Variants in ELAC2 observed in about 807,000 individuals in gnomAD.
ELAC2 encodes the protein elaC ribonuclease Z 2.
In ELAC2, 92 loss-of-function variants were observed where a neutral mutation model predicts 105.2. The observed-to-expected ratio is 0.87, with a 90% CI of 0.74 to 1.04. The LOEUF (loss-of-function observed/expected upper bound fraction) is 1.04, where lower values mean the gene tolerates loss of function less well. ELAC2 is among the 50% of genes least tolerant of loss of function. The pLI, the probability that ELAC2 is intolerant of heterozygous loss-of-function variation, is 0.00. For synonymous variants in ELAC2, 468 were observed against 409.1 expected, an observed-to-expected ratio of 1.14 and a Z score of -1.74; for missense variants, 1,099 against 1,071.7, an observed-to-expected ratio of 1.03 and a Z score of -0.36.
At chr17:13,010,343 G>GT (rs1276414555) in intron 8 of ELAC2, among the ~76,000 whole-genome samples, 1 of 152,086 alleles carries the variant, frequency 6.6e-6, no homozygotes, top group Non-Finnish European at 1.5e-5. Context: ...GCTAATTTTT[G>GT]TATTTTTAGT....
Position 12,992,960 on chromosome 17 carries a change from T to C in ELAC2, c.2339A>G (p.Glu780Gly). ...LFAGDIEEME[E>G]RREKRELRQV... ...CCGCAGCTCCCGCTTCTCCCTGCGCTCCTCCATCTCCTCGATGTCGCCAGC... is the reference window on the plus strand; with the variant it reads ...CCGCAGCTCCCGCTTCTCCCTGCGCCCCTCCATCTCCTCGATGTCGCCAGC... Residue 780 changes from glutamate to glycine, a missense_variant, in exon 24 of 24, where the codon GAG (glutamate) becomes GGG (glycine). Coordinates refer to ENST00000338034, the MANE Select transcript of ELAC2 (RefSeq NM_018127.7). The C allele has an allele frequency of 1.9e-6, 3 of 1,602,148 alleles. No individual in the cohort carries two copies. Among genetic ancestry groups the C allele is most frequent in the Non-Finnish European group, 2.6e-6 (3 of 1,172,154 alleles).
chr17:13,001,290 C>A (rs917480114), intron 14 of ELAC2, among the ~76,000 whole-genome samples: 2 of 139,992 alleles, frequency 1.4e-5, no homozygotes, highest in Non-Finnish European at 3.2e-5. Flanking sequence ...GTCAGGAGTT[C>A]GAGACCAGCC....
chr17:12,995,243 C>A (rs1051200361), intron 19 of ELAC2, among the ~76,000 whole-genome samples, 181 bp from the exon 20 acceptor site: 1 of 152,180 alleles, frequency 6.6e-6, no homozygotes, highest in African/African-American at 2.4e-5. Flanking sequence ...AGCCTCTAGG[C>A]CACTGGGAGA....
Position 12,995,200 on chromosome 17 carries a change from G to T in ELAC2, c.1809-138C>A. 3 of 944,232 alleles carry T rather than the reference G, an allele frequency of 3.2e-6. No homozygotes were observed. The South Asian group carries it at 4.2e-5, about 13-fold the overall frequency. The allele number at this position is 944,232 out of a possible 1,614,324, so 58.5% of individuals were successfully genotyped here. ...GTTAAATCATAGTCACTATGATGAG[G>T]AAACAGCAGTCAAATATAAAGAGCC... is the stretch of plus-strand genomic sequence containing the variant. On this transcript the variant is annotated intron_variant, in intron 19 of 23. Coordinates refer to ENST00000338034, the MANE Select transcript of ELAC2 (RefSeq NM_018127.7).
rs965540780 is a variant in ELAC2, at chr17:12,992,140, T to C, written c.*678A>G. Among the ~76,000 whole-genome samples, 1 of 150,584 alleles carries C rather than the reference T, an allele frequency of 6.6e-6. No individual in the cohort carries two copies. Among genetic ancestry groups the C allele is most frequent in the Non-Finnish European group, 1.5e-5 (1 of 67,812 alleles). Reference sequence around the variant, plus strand: ...CTCACTGATTGATTTGATTGATTGATTGATTGATTGATAGAGAAAGCACGC... The same window carrying C: ...CTCACTGATTGATTTGATTGATTGACTGATTGATTGATAGAGAAAGCACGC... On this transcript the variant is annotated 3_prime_UTR_variant, in exon 24 of 24. Coordinates refer to ENST00000338034, the MANE Select transcript of ELAC2 (RefSeq NM_018127.7).
At chr17:13,006,655 G>A (rs1434949241) in intron 8 of ELAC2, 2 of 154,430 alleles carry the variant, frequency 1.3e-5, no homozygotes, top group Admixed American at 6.4e-5. Context: ...CTAAAGGAAT[G>A]TCACCAGAGC....
chr17:13,013,983 C>T (rs1015871321), intron 5 of ELAC2, among the ~76,000 whole-genome samples: 2 of 152,186 alleles, frequency 1.3e-5, no homozygotes, highest in Non-Finnish European at 2.9e-5. Context: ...ATTTTTACAG[C>T]ATGAGGTGGG....
rs537408143 is a variant in ELAC2 at position 12,995,374 on chromosome 17, C to CT, written c.1809-313dup. 5.0e-3 allele frequency among the ~76,000 whole-genome samples: 765 copies of CT among 152,330 alleles called. 5 individuals carry two copies. In the Middle Eastern group the frequency reaches 0.071, roughly 14 times the overall value. On this transcript the variant is annotated intron_variant, in intron 19 of 23. Coordinates refer to ENST00000338034, the MANE Select transcript of ELAC2 (RefSeq NM_018127.7). ...CACCTGCCAGCTAGCCACACACCTG[C>CT]TATGGACATTCTCTGTGCTAGCCAC... is the stretch of plus-strand genomic sequence containing the variant.
chr17:13,000,563 C>A, intron 14 of ELAC2: 1 of 437,760 alleles, frequency 2.3e-6, no homozygotes, highest in Non-Finnish European at 4.3e-6. Context: ...CTGACCTCTA[C>A]CCACTAGCAG....
At chr17:13,006,882 G>A (rs2041138814) in intron 8 of ELAC2, among the ~76,000 whole-genome samples, 1 of 152,148 alleles carries the variant, frequency 6.6e-6, no homozygotes, top group African/African-American at 2.4e-5. Context: ...AGCACTTTGG[G>A]AAGCCGAGGC....
At position 12,996,721 on chromosome 17, in the gene ELAC2, A is replaced by G. The variant is rs1447438376; in HGVS notation, c.1521-36T>C. ...GAAGAGGAAGAGAGTCACTGCCACT[A>G]GGAAGACTGCTGATGGTTCAGAGGC... On this transcript the variant is annotated intron_variant, in intron 16 of 23. Coordinates refer to ENST00000338034, the MANE Select transcript of ELAC2 (RefSeq NM_018127.7). 2.5e-6 allele frequency: 4 copies of G among 1,607,614 alleles called. No individual in the cohort carries two copies. The Middle Eastern group carries it at 5.1e-4, about 206-fold the overall frequency.
In ELAC2 at chr17:13,014,434, C is replaced by T. The variant is rs774679119; in HGVS notation, c.490+5G>A. ...GCAGAGGATGAGTCACAGACAAAGA[C>T]GTACCCAGTTCTATTCCTTTCAATG... is the stretch of plus-strand genomic sequence containing the variant. On this transcript the variant is annotated splice_donor_5th_base_variant and intron_variant, in intron 5 of 23. Coordinates refer to ENST00000338034, the MANE Select transcript of ELAC2 (RefSeq NM_018127.7). 6.8e-6 allele frequency: 11 copies of T among 1,610,656 alleles called. No homozygotes were observed. In the East Asian group the frequency reaches 8.9e-5, roughly 13 times the overall value.
intron 5 of ELAC2, among the ~76,000 whole-genome samples, chr17:13,014,224 T>C (rs887445975): frequency 7.5e-6 from 1 of 133,410 alleles, no homozygotes; most frequent in East Asian, 2.1e-4. Flanking sequence ...ACCCAGGAGG[T>C]GGAGGTTGCA....
At chr17:12,995,840 C>T (rs182608220) in intron 18 of ELAC2, 28 bp from the exon 19 acceptor site, 121 of 1,594,116 alleles carry the variant, frequency 7.6e-5, no homozygotes, top group Admixed American at 2.3e-4. Flanking sequence ...AGTGCCGACT[C>T]GACGACAGAA....
In ELAC2 at chr17:13,017,734, C is replaced by G; in HGVS notation, c.214G>C (p.Ala72Pro). The change falls in exon 1 of 24, where the codon GCC (alanine) becomes CCC (proline). Residue 72 changes from alanine (A) to proline (P), a missense_variant. Coordinates refer to ENST00000338034, the MANE Select transcript of ELAC2 (RefSeq NM_018127.7). ...AACTCGGAGAAGACGTAGAGCGCGG[C>G]GCCCGAGTCCCGGCTACCCGCTGCC... Reference protein sequence around the residue: ...VVAAGSRDSGAALYVFSEFNR... With the variant: ...VVAAGSRDSGPALYVFSEFNR... 6.2e-7 allele frequency: 1 copy of G among 1,612,420 alleles called. No individual in the cohort carries two copies. Among genetic ancestry groups the G allele is most frequent in the African/African-American group, 1.3e-5 (1 of 75,056 alleles).
At chr17:12,996,425 G>A in intron 17 of ELAC2, 122 bp downstream of exon 17, 1 of 1,461,310 alleles carries the variant, frequency 6.8e-7, no homozygotes, top group South Asian at 1.1e-5. Flanking sequence ...TTCCTAGCCA[G>A]AGATGAGTAA....
At position 13,005,912 on chromosome 17, in the gene ELAC2, C is replaced by T; in HGVS notation, c.797+9G>A. 4 of 1,614,188 alleles carry T rather than the reference C, an allele frequency of 2.5e-6. No homozygotes were observed. Among genetic ancestry groups the T allele is most frequent in the Non-Finnish European group, 3.4e-6 (4 of 1,180,036 alleles). ...GTGAGTCCCCAGAAGCCTTACCCCCCACACTCACACTGGGAGGCCCATCTC... is the reference window on the plus strand; with the variant it reads ...GTGAGTCCCCAGAAGCCTTACCCCCTACACTCACACTGGGAGGCCCATCTC... On this transcript the variant is annotated intron_variant, in intron 9 of 23. Coordinates refer to ENST00000338034, the MANE Select transcript of ELAC2 (RefSeq NM_018127.7).
rs747963555 is a variant in ELAC2, at chr17:12,993,680, T to C, written c.2253+7A>G. 3.1e-6 allele frequency: 5 copies of C among 1,614,016 alleles called. No individual in the cohort carries two copies. In the East Asian group the frequency reaches 8.9e-5, roughly 29 times the overall value. On this transcript the variant is annotated splice_region_variant and intron_variant, in intron 23 of 23. Transcript: ENST00000338034. ...CCCGCCCTGTGCTGTCCGTGTGACATACAGACCTTCATGTGGTCAAAGGCA... is the reference window on the plus strand; with the variant it reads ...CCCGCCCTGTGCTGTCCGTGTGACACACAGACCTTCATGTGGTCAAAGGCA...
At chr17:13,013,386 G>T in intron 5 of ELAC2, 111 bp from the exon 6 acceptor site, 1 of 1,163,134 alleles carries the variant, frequency 8.6e-7, no homozygotes, top group South Asian at 1.3e-5. Context: ...AATTATGGTG[G>T]GAATCTGACA....
Sources: gnomAD v4.1 joint callset for allele counts (sites outside exome capture counted in the v4.1 genomes callset) on GRCh38, gnomAD v4.1.1 for gene constraint, MANE v1.5 for transcripts, NCBI Gene and HGNC (gene_info 2026-07-23, HGNC 2026-07-21) for gene names.